The following AAK1 variants were observed in gnomAD, a reference collection of about 807,000 sequenced individuals.
AAK1 encodes the protein AP2 associated kinase 1, also known as AP2-associated protein kinase 1.
A neutral mutation model predicts 116.0 loss-of-function variants in AAK1; 37 were observed. The ratio of observed to expected loss-of-function variants is 0.32; its 90% CI spans 0.25 to 0.42. The LOEUF is 0.42. Among genes scored for constraint, AAK1 ranks in the 10% least tolerant of loss-of-function variants. AAK1 has a pLI of 1.00. For synonymous variants in AAK1, 458 were observed against 439.9 expected (o/e 1.04, Z -0.51); for missense variants, 919 against 1,170.6 (o/e 0.79, Z 3.14).
chr2:69,641,172 G>A (rs761085656), intron 2 of AAK1, among the ~76,000 whole-genome samples: 4 of 152,192 alleles, frequency 2.6e-5, no homozygotes, highest in Admixed American at 6.5e-5. Context: ...AACATGCACC[G>A]CTTAGGGCAG....
intron 13 of AAK1, among the ~76,000 whole-genome samples, chr2:69,511,440 C>T (rs1676392007): frequency 6.6e-6 from 1 of 152,200 alleles, no homozygotes; most frequent in Non-Finnish European, 1.5e-5. Context: ...AGCTGCCCTG[C>T]TGAAGGAGAG....
At chr2:69,489,028 A>G (rs951266056) in intron 17 of AAK1, among the ~76,000 whole-genome samples, 4 of 142,130 alleles carry the variant, frequency 2.8e-5, no homozygotes, top group Non-Finnish European at 6.3e-5. Context: ...TTTTTTTTTG[A>G]AAAAATGGCG....
intron 5 of AAK1, among the ~76,000 whole-genome samples, chr2:69,537,851 T>C (rs1670540985): frequency 6.6e-6 from 1 of 152,148 alleles, no homozygotes; most frequent in Non-Finnish European, 1.5e-5. Flanking sequence ...AGTCAATGAC[T>C]AAAAACAACA....
chr2:69,626,015 C>G (rs1674879881), intron 2 of AAK1, among the ~76,000 whole-genome samples: 1 of 152,124 alleles, frequency 6.6e-6, no homozygotes, highest in Non-Finnish European at 1.5e-5. Flanking sequence ...TCCTCTGTAT[C>G]TATTCCTTCT....
chr2:69,565,235 C>T (rs553461210), intron 2 of AAK1, among the ~76,000 whole-genome samples: 4 of 152,238 alleles, frequency 2.6e-5, no homozygotes, highest in Non-Finnish European at 2.9e-5. Flanking sequence ...CACGAAGGAA[C>T]GTGGGCTAAG....
chr2:69,514,630 T>TTGCTGC lies in AAK1; in HGVS notation c.1611_1616dup (p.Gln545_Gln546dup). On this transcript the variant is annotated inframe_insertion, in exon 13 of 22. Coordinates refer to ENST00000409085, the MANE Select transcript of AAK1 (RefSeq NM_014911.5). Reference sequence around the variant, plus strand: ...CCAGCTGTTGCTGTTGCTGTTGTTGTTGCTGCTGCTGCTGCTGCTGGTAGA... The same window carrying TTGCTGC: ...CCAGCTGTTGCTGTTGCTGTTGTTGTTGCTGCTGCTGCTGCTGCTGCTGCTGGTAGA... 2 of 1,144,768 alleles carry TTGCTGC rather than the reference T, an allele frequency of 1.7e-6. No individual in the cohort carries two copies. The highest frequency in any genetic ancestry group is 3.4e-5 in the East Asian group (1 of 29,776). 70.9% of individuals were successfully genotyped at this position (1,144,768 alleles called of 1,614,324 possible). A position where few individuals can be genotyped will look rare whatever the true frequency, so the allele number is the denominator to read the frequency against.
chr2:69,604,899 C>T (rs986482967), intron 2 of AAK1, among the ~76,000 whole-genome samples: 5 of 152,218 alleles, frequency 3.3e-5, no homozygotes, highest in African/African-American at 1.2e-4. Context: ...AGCCACCATG[C>T]TTTCAGTCAA....
intron 2 of AAK1, among the ~76,000 whole-genome samples, chr2:69,571,165 T>G (rs531777773): frequency 6.6e-6 from 1 of 152,180 alleles, no homozygotes; most frequent in Non-Finnish European, 1.5e-5. Context: ...CTTCACCCTA[T>G]GCTAAAATAA....
chr2:69,514,433 CT>C (rs1284724676), intron 13 of AAK1, 37 bp downstream of exon 13: 2 of 1,495,416 alleles, frequency 1.3e-6, no homozygotes, highest in Non-Finnish European at 1.8e-6. Flanking sequence ...GCACATTCCT[CT>C]GCTGCTTTTG....
In AAK1 at chr2:69,541,118, C is replaced by CT. The variant is rs2105048882; in HGVS notation, c.534+1404dup. Among the ~76,000 whole-genome samples, 3 of 151,672 alleles carry CT rather than the reference C, an allele frequency of 2.0e-5. No individual in the cohort carries two copies. In the South Asian group the frequency reaches 6.2e-4, roughly 32 times the overall value. On this transcript the variant is annotated intron_variant, in intron 5 of 21. Coordinates refer to ENST00000409085, the MANE Select transcript of AAK1 (RefSeq NM_014911.5). Reference sequence around the variant, plus strand: ...GAAAGGGGAGACAGAATAGGGACTGCTAATGGATACAGGGTTTCTTTTGGG... The same window carrying CT: ...GAAAGGGGAGACAGAATAGGGACTGCTTAATGGATACAGGGTTTCTTTTGGG...
intron 17 of AAK1, among the ~76,000 whole-genome samples, chr2:69,493,567 G>A (rs1369492107): frequency 6.6e-6 from 1 of 152,072 alleles, no homozygotes; most frequent in Admixed American, 6.6e-5. Context: ...TTCATTTGTC[G>A]GATCTGTAAA....
At chr2:69,493,694 G>C (rs563890956) in intron 17 of AAK1, among the ~76,000 whole-genome samples, 8 of 152,188 alleles carry the variant, frequency 5.3e-5, no homozygotes, top group Admixed American at 3.9e-4. Context: ...ACTATGTCCT[G>C]ATAAGGGCTA....
At chr2:69,511,957 T>G (rs1447820213) in intron 13 of AAK1, among the ~76,000 whole-genome samples, 1 of 152,180 alleles carries the variant, frequency 6.6e-6, no homozygotes, top group Non-Finnish European at 1.5e-5. Flanking sequence ...CCACTTAGAA[T>G]CAAAGAATGT....
intron 2 of AAK1, among the ~76,000 whole-genome samples, chr2:69,619,349 C>T (rs1472068150): frequency 1.3e-5 from 2 of 152,180 alleles, no homozygotes; most frequent in African/African-American, 4.8e-5. Context: ...ACCCCCAAGG[C>T]TTCCCCACTA....
In AAK1 at chr2:69,527,326, C is replaced by T; in HGVS notation, c.872-7G>A. On this transcript the variant is annotated splice_region_variant and splice_polypyrimidine_tract_variant and intron_variant, in intron 8 of 21. Transcript: ENST00000409085. Reference sequence around the variant, plus strand: ...TCTGGTTCCAACATATACCCTAAGGCAAACATGTGAATTTATTTAATAATA... The same window carrying T: ...TCTGGTTCCAACATATACCCTAAGGTAAACATGTGAATTTATTTAATAATA... The T allele has an allele frequency of 6.5e-7, 1 of 1,541,992 alleles. No individual in the cohort carries two copies. Among genetic ancestry groups the T allele is most frequent in the Non-Finnish European group, 8.9e-7 (1 of 1,121,568 alleles).
chr2:69,600,362 C>T (rs557062282), intron 2 of AAK1, among the ~76,000 whole-genome samples: 2 of 148,928 alleles, frequency 1.3e-5, no homozygotes, highest in Non-Finnish European at 1.5e-5. Context: ...AAAAAAAAAT[C>T]GTGATTCATG....
intron 11 of AAK1, among the ~76,000 whole-genome samples, chr2:69,519,693 C>T (rs1389837440): frequency 6.6e-6 from 1 of 152,186 alleles, no homozygotes; most frequent in Non-Finnish European, 1.5e-5. Flanking sequence ...AAGCAGCTTC[C>T]TGGTAGGGTT....
At chr2:69,566,182 T>A (rs1019852908) in intron 2 of AAK1, among the ~76,000 whole-genome samples, 1 of 152,142 alleles carries the variant, frequency 6.6e-6, no homozygotes, top group African/African-American at 2.4e-5. Flanking sequence ...ATCCACAACT[T>A]ACATTGAAGA....
At chr2:69,538,685 C>A (rs1427463696) in intron 5 of AAK1, among the ~76,000 whole-genome samples, 1 of 152,202 alleles carries the variant, frequency 6.6e-6, no homozygotes, top group Admixed American at 6.5e-5. Context: ...AGTTCAAGAC[C>A]AGTCTTGCTA....
Sources: gnomAD v4.1 joint callset for allele counts (sites outside exome capture counted in the v4.1 genomes callset) on GRCh38, gnomAD v4.1.1 for gene constraint, MANE v1.5 for transcripts, NCBI Gene and HGNC (gene_info 2026-07-23, HGNC 2026-07-21) for gene names.